Variants in NBAS observed in about 807,000 individuals in gnomAD.
NBAS encodes NAG/BC035112 fusion.
In NBAS, 219 loss-of-function variants were observed where a neutral mutation model predicts 302.5. The observed-to-expected ratio is 0.72, with a 90% CI of 0.65 to 0.81. The LOEUF (loss-of-function observed/expected upper bound fraction) is 0.81. Among genes scored for constraint, NBAS ranks in the 30% least tolerant of loss-of-function variants. NBAS has a pLI of 0.00. For synonymous variants in NBAS, 1,118 were observed against 1,021.6 expected (o/e 1.09, Z -1.80); for missense variants, 2,932 against 2,841.6 (o/e 1.03, Z -0.72).
At chr2:15,071,969 G>A in the NBAS span, among the ~76,000 whole-genome samples, 51,422 of 152,050 alleles carry the variant, frequency 0.34, 9,864 homozygotes, top group African/African-American at 0.53. Flanking sequence ...AGACTTCGTG[G>A]AGTAAATAAA....
chr2:15,319,408 T>C (rs111911330), intron 38 of NBAS, among the ~76,000 whole-genome samples: 3,671 of 151,450 alleles, frequency 0.024, 109 homozygotes, highest in South Asian at 0.072. Flanking sequence ...AGAGCAGAAC[T>C]GAAGGAGATA....
chr2:15,242,274 A>G (rs1667899605), intron 44 of NBAS, among the ~76,000 whole-genome samples: 1 of 152,204 alleles, frequency 6.6e-6, no homozygotes, highest in African/African-American at 2.4e-5. Context: ...TTTCTATTTA[A>G]AATAATCCTT....
the NBAS span, among the ~76,000 whole-genome samples, chr2:14,933,731 C>T: frequency 6.6e-6 from 1 of 152,134 alleles, no homozygotes; most frequent in Non-Finnish European, 1.5e-5. Flanking sequence ...GATACGTGAG[C>T]TGTTTTCTCA....
intron 38 of NBAS, among the ~76,000 whole-genome samples, chr2:15,319,987 G>A (rs572661143): frequency 6.6e-5 from 10 of 151,996 alleles, no homozygotes; most frequent in Non-Finnish European, 1.0e-4. Flanking sequence ...ACATTGATGC[G>A]AAAGTCCTCA....
chr2:15,289,327 C>T (rs931829848), intron 41 of NBAS, among the ~76,000 whole-genome samples: 1 of 152,126 alleles, frequency 6.6e-6, no homozygotes, highest in African/African-American at 2.4e-5. Context: ...GTAGTGAACT[C>T]CTGGCCTCAA....
At chr2:15,385,005 AT>A (rs1026968366) in intron 28 of NBAS, among the ~76,000 whole-genome samples, 5 of 152,026 alleles carry the variant, frequency 3.3e-5, no homozygotes, top group African/African-American at 7.3e-5. Context: ...AGTCTTTAAA[AT>A]TTTTTTCTCC....
At chr2:15,031,852 G>A in the NBAS span, among the ~76,000 whole-genome samples, 2 of 152,324 alleles carry the variant, frequency 1.3e-5, no homozygotes, top group African/African-American at 4.8e-5. Flanking sequence ...AAGAGAACTG[G>A]CTGGAGATTA....
the NBAS span, among the ~76,000 whole-genome samples, chr2:14,842,846 C>CAAAAAAAAAAAAAAAAA: frequency 1.4e-5 from 1 of 74,026 alleles, no homozygotes; most frequent in Non-Finnish European, 3.0e-5. Flanking sequence ...CAGAAAATGA[C>CAAAAAAAAAAAAAAAAA]AAAAAAAAAA....
intron 48 of NBAS, among the ~76,000 whole-genome samples, chr2:15,198,235 T>A (rs2125156958): frequency 6.6e-6 from 1 of 152,346 alleles, no homozygotes; most frequent in South Asian, 2.1e-4. Context: ...ATATTTAAGG[T>A]ATGCATATAT....
At chr2:15,504,302 C>T (rs1199173827) in intron 10 of NBAS, 89 bp from the exon 11 acceptor site, 1 of 1,028,556 alleles carries the variant, frequency 9.7e-7, no homozygotes, top group Admixed American at 1.8e-5. Flanking sequence ...AAAACTATAG[C>T]AAATCTAGTA....
At chr2:14,975,827 G>GA in the NBAS span, among the ~76,000 whole-genome samples, 53 of 146,064 alleles carry the variant, frequency 3.6e-4, no homozygotes, top group Middle Eastern at 3.5e-3. Context: ...ATGACTGGTA[G>GA]AAAAAAAAAA....
chr2:15,065,844 T>C, the NBAS span, among the ~76,000 whole-genome samples: 4 of 152,050 alleles, frequency 2.6e-5, no homozygotes, highest in Non-Finnish European at 5.9e-5. Context: ...TTCAACACTA[T>C]CTCCATCAAA....
At chr2:15,091,195 T>C in the NBAS span, among the ~76,000 whole-genome samples, 2 of 152,154 alleles carry the variant, frequency 1.3e-5, no homozygotes, top group Admixed American at 6.5e-5. Flanking sequence ...AAGAACTCGA[T>C]GGGAAACTTA....
the NBAS span, among the ~76,000 whole-genome samples, chr2:14,792,492 T>C: frequency 6.6e-6 from 1 of 152,068 alleles, no homozygotes; most frequent in African/African-American, 2.4e-5. Context: ...TCATATTACA[T>C]ATTGCTAGCC....
the NBAS span, among the ~76,000 whole-genome samples, chr2:14,799,069 T>C: frequency 6.6e-6 from 1 of 151,880 alleles, no homozygotes; most frequent in African/African-American, 2.4e-5. Context: ...TATTCTAAAA[T>C]GTATTAGTTC....
intron 44 of NBAS, among the ~76,000 whole-genome samples, chr2:15,241,271 A>G (rs1667855449): frequency 6.6e-6 from 1 of 152,228 alleles, no homozygotes; most frequent in Admixed American, 6.5e-5. Context: ...AGCCAAATGT[A>G]TACACTCTTC....
the NBAS span, among the ~76,000 whole-genome samples, chr2:15,105,630 C>T: frequency 3.3e-5 from 5 of 152,040 alleles, no homozygotes; most frequent in East Asian, 9.7e-4. Flanking sequence ...CCCCGTGTGC[C>T]TGAGAACAAA....
chr2:15,419,360 TA>T (rs1387674510), intron 23 of NBAS, among the ~76,000 whole-genome samples: 3 of 143,154 alleles, frequency 2.1e-5, no homozygotes, highest in East Asian at 2.0e-4. Flanking sequence ...TGTGTGTGTG[TA>T]GAAGAATACA....
At chr2:15,407,615 G>T (rs917605730) in intron 25 of NBAS, among the ~76,000 whole-genome samples, 2 of 152,170 alleles carry the variant, frequency 1.3e-5, no homozygotes, top group African/African-American at 4.8e-5. Flanking sequence ...ACCACAAGGA[G>T]ATGTTGCTAC....
Sources: gnomAD v4.1 joint callset for allele counts (sites outside exome capture counted in the v4.1 genomes callset) on GRCh38, gnomAD v4.1.1 for gene constraint, MANE v1.5 for transcripts, NCBI Gene and HGNC (gene_info 2026-07-23, HGNC 2026-07-21) for gene names.